Variants in TENM2 observed in about 807,000 individuals in gnomAD.
TENM2 encodes teneurin-2.
Under a neutral mutation model 245.2 loss-of-function variants are expected in TENM2, and 52 were observed. The observed-to-expected ratio is 0.21, with a 90% CI of 0.17 to 0.27. TENM2 has a LOEUF of 0.27. TENM2 is among the 10% of genes least tolerant of loss of function. The pLI is 1.00. For synonymous variants in TENM2, 1,363 were observed against 1,438.9 expected (o/e 0.95, Z 1.19); for missense variants, 3,046 against 3,666.8 (o/e 0.83, Z 4.37).
chr5:167,535,211 A>G (rs1582317079), intron 2 of TENM2, among the ~76,000 whole-genome samples: 1 of 151,582 alleles, frequency 6.6e-6, no homozygotes, highest in Admixed American at 6.6e-5. Context: ...CTTATACGAC[A>G]CTCTAGCCAC....
At chr5:167,948,488 CCTTA>C (rs1779819428) in intron 3 of TENM2, among the ~76,000 whole-genome samples, 2 of 152,172 alleles carry the variant, frequency 1.3e-5, no homozygotes, top group African/African-American at 4.8e-5. Context: ...TTTCCAGGCA[CCTTA>C]CTTATACCTC....
chr5:167,260,969 A>G, the TENM2 span, among the ~76,000 whole-genome samples: 3 of 152,220 alleles, frequency 2.0e-5, no homozygotes, highest in East Asian at 5.8e-4. Context: ...TAAGATCTCT[A>G]TGAGTTTGGT....
exon 8 of TENM2, chr5:168,090,666 T>C (rs915593671): frequency 5.6e-6 from 9 of 1,613,810 alleles, no homozygotes; most frequent in Non-Finnish European, 7.6e-6. Flanking sequence ...TGGTTCAGAA[T>C]GAAGCCGTGT....
At chr5:167,132,475 C>T in the TENM2 span, among the ~76,000 whole-genome samples, 2 of 151,926 alleles carry the variant, frequency 1.3e-5, no homozygotes, top group Non-Finnish European at 2.9e-5. Context: ...TTAAATTTGC[C>T]AAGCAGATTT....
intron 1 of TENM2, among the ~76,000 whole-genome samples, chr5:167,334,037 A>C (rs1047912251): frequency 6.6e-6 from 1 of 152,216 alleles, no homozygotes; most frequent in African/African-American, 2.4e-5. Flanking sequence ...ATACACTAAT[A>C]AATATACCTT....
At chr5:167,601,409 G>A (rs2127728889) in intron 2 of TENM2, among the ~76,000 whole-genome samples, 1 of 152,338 alleles carries the variant, frequency 6.6e-6, no homozygotes, top group East Asian at 1.9e-4. Flanking sequence ...ATTACCATAT[G>A]GGACAATGCT....
intron 2 of TENM2, among the ~76,000 whole-genome samples, chr5:167,589,602 A>T (rs1365046509): frequency 2.0e-5 from 3 of 152,122 alleles, no homozygotes; most frequent in Non-Finnish European, 4.4e-5. Flanking sequence ...TCTTTCAGAA[A>T]ATTTGGAAAA....
intron 2 of TENM2, among the ~76,000 whole-genome samples, chr5:167,580,765 G>A (rs10462968): frequency 3.9e-5 from 6 of 152,160 alleles, no homozygotes; most frequent in East Asian, 1.9e-4. Flanking sequence ...CGAGGTGGGC[G>A]GATTGCTTGA....
At chr5:168,257,283 G>A (rs1289433110) in intron 27 of TENM2, among the ~76,000 whole-genome samples, 3 of 152,144 alleles carry the variant, frequency 2.0e-5, no homozygotes, top group Non-Finnish European at 4.4e-5. Context: ...GGTGGGGATG[G>A]GGGGTGGCAG....
At chr5:166,995,853 C>G in the TENM2 span, among the ~76,000 whole-genome samples, 174 of 142,448 alleles carry the variant, frequency 1.2e-3, 2 homozygotes, top group African/African-American at 4.4e-3. Context: ...TTTCTGTTCT[C>G]TTATAAATGA....
chr5:167,967,240 G>A (rs1012240130), intron 4 of TENM2, among the ~76,000 whole-genome samples: 1 of 152,108 alleles, frequency 6.6e-6, no homozygotes, highest in Non-Finnish European at 1.5e-5. Context: ...AGCTGGTTAG[G>A]AGGGGCACCT....
At chr5:167,875,922 A>C in intron 2 of TENM2, 64 bp from the exon 5 acceptor site, 1 of 1,110,156 alleles carries the variant, frequency 9.0e-7, no homozygotes, top group Non-Finnish European at 1.3e-6. Context: ...TTTCAATGTA[A>C]CTTTCTTGGG....
intron 2 of TENM2, among the ~76,000 whole-genome samples, chr5:167,512,641 A>C (rs1027300426): frequency 6.6e-6 from 1 of 152,114 alleles, no homozygotes; most frequent in African/African-American, 2.4e-5. Context: ...TAGCCTCCTA[A>C]CTACACCTCT....
intron 2 of TENM2, among the ~76,000 whole-genome samples, chr5:167,522,795 T>A (rs1228583946): frequency 7.1e-6 from 1 of 141,728 alleles, no homozygotes; most frequent in Non-Finnish European, 1.5e-5. Context: ...TTGTACACTT[T>A]ACCCAGCAAA....
At chr5:167,033,461 T>C in the TENM2 span, among the ~76,000 whole-genome samples, 1 of 152,218 alleles carries the variant, frequency 6.6e-6, no homozygotes, top group African/African-American at 2.4e-5. Flanking sequence ...TACGTTTATC[T>C]TCCTTAGTTA....
intron 1 of TENM2, among the ~76,000 whole-genome samples, chr5:167,338,590 C>T (rs1757912964): frequency 6.6e-6 from 1 of 152,124 alleles, no homozygotes; most frequent in Non-Finnish European, 1.5e-5. Flanking sequence ...GTTTTCCCTT[C>T]TTTTAAAAGA....
At chr5:168,061,554 C>T (rs1051691047) in intron 6 of TENM2, among the ~76,000 whole-genome samples, 3 of 152,196 alleles carry the variant, frequency 2.0e-5, no homozygotes, top group African/African-American at 7.2e-5. Flanking sequence ...ACTTCTCCCT[C>T]TAACTCAAGA....
At chr5:167,704,342 A>T (rs1758360779) in intron 2 of TENM2, among the ~76,000 whole-genome samples, 1 of 152,072 alleles carries the variant, frequency 6.6e-6, no homozygotes, top group Non-Finnish European at 1.5e-5. Flanking sequence ...TTTCAACTTT[A>T]AGAATTTTGT....
At chr5:167,968,278 C>T (rs771062638) in intron 4 of TENM2, among the ~76,000 whole-genome samples, 6 of 152,170 alleles carry the variant, frequency 3.9e-5, no homozygotes, top group East Asian at 1.9e-4. Context: ...CATGGCAAAG[C>T]GCTGCACAAA....
Sources: gnomAD v4.1 joint callset for allele counts (sites outside exome capture counted in the v4.1 genomes callset) on GRCh38, gnomAD v4.1.1 for gene constraint, MANE v1.5 for transcripts, NCBI Gene and HGNC (gene_info 2026-07-23, HGNC 2026-07-21) for gene names.